The following SIK3 variants were observed in gnomAD, a reference collection of about 807,000 sequenced individuals.
SIK3 encodes the protein SIK family kinase 3.
A neutral mutation model predicts 144.2 loss-of-function variants in SIK3; 28 were observed. That is an observed-to-expected ratio of 0.19 (90% CI 0.14 to 0.27). The LOEUF (loss-of-function observed/expected upper bound fraction) is 0.27, where lower values mean the gene tolerates loss of function less well. SIK3 is among the 10% of genes least tolerant of loss of function. SIK3 has a pLI of 1.00. For missense variants in SIK3, 1,319 were observed against 1,776.0 expected, an observed-to-expected ratio of 0.74 and a Z score of 4.62; for synonymous variants, 686 against 676.3, an observed-to-expected ratio of 1.01 and a Z score of -0.22.
At position 116,947,931 on chromosome 11, in the gene SIK3, A is replaced by C. The variant is rs189432708; in HGVS notation, c.454+6113T>G. Among the ~76,000 whole-genome samples, 808 of 143,824 alleles carry C rather than the reference A, an allele frequency of 5.6e-3. 13 individuals are homozygous for C. The highest frequency in any genetic ancestry group is 0.042 in the Middle Eastern group (11 of 260). The allele number at this position is 143,824 out of a possible 152,430, so 94.4% of individuals were successfully genotyped here. ...TCTAGGAATTTGTCCATTTCATCTA[A>C]GCTGACTTTTTTTTTTTTTTTGAGA... On this transcript the variant is annotated intron_variant, in intron 3 of 24. Coordinates refer to ENST00000445177, the MANE Select transcript of SIK3 (RefSeq NM_001366686.3).
rs1187841991 is a variant in SIK3 at position 116,947,799 on chromosome 11, C to T, written c.454+6245G>A. ...CCAGGATGGTCTCATCTCCTGACCTCGTGATCTGCCCACCTCAGCCTCCCA... is the reference window on the plus strand; with the variant it reads ...CCAGGATGGTCTCATCTCCTGACCTTGTGATCTGCCCACCTCAGCCTCCCA... On this transcript the variant is annotated intron_variant, in intron 3 of 24. Transcript: ENST00000445177. Among the ~76,000 whole-genome samples the T allele has an allele frequency of 3.3e-5, 5 of 151,740 alleles. No individual in the cohort carries two copies. The East Asian group carries it at 5.8e-4, about 18-fold the overall frequency.
intron 4 of SIK3, among the ~76,000 whole-genome samples, chr11:116,906,323 A>AT (rs1278746907): frequency 6.6e-6 from 1 of 152,240 alleles, no homozygotes; most frequent in Non-Finnish European, 1.5e-5. Flanking sequence ...AGGAAAGCAG[A>AT]AGTTGGTTTG....
At chr11:116,863,629 C>T in intron 16 of SIK3, 39 bp downstream of exon 16, 1 of 1,612,872 alleles carries the variant, frequency 6.2e-7, no homozygotes, top group Non-Finnish European at 8.5e-7. Flanking sequence ...CCTCTGTCAC[C>T]CATGCTCCTC....
chr11:116,889,102 A>C (rs1189679862), intron 6 of SIK3, among the ~76,000 whole-genome samples: 3 of 152,206 alleles, frequency 2.0e-5, no homozygotes, highest in African/African-American at 7.2e-5. Context: ...TAGTAAAACA[A>C]ACACTAAATT....
chr11:117,024,097 T>C (rs892356287), intron 1 of SIK3, among the ~76,000 whole-genome samples: 1 of 152,130 alleles, frequency 6.6e-6, no homozygotes, highest in Non-Finnish European at 1.5e-5. Flanking sequence ...ACTAGCCCTG[T>C]AAAATCATCC....
At position 117,098,302 on chromosome 11, in the gene SIK3, G is replaced by A. The variant is rs1383637442; in HGVS notation, c.114C>T (p.Pro38=). 1.7e-6 allele frequency: 2 copies of A among 1,177,918 alleles called. No individual in the cohort carries two copies. Among genetic ancestry groups the A allele is most frequent in the South Asian group, 3.7e-5 (1 of 27,118 alleles). 73.0% of individuals were successfully genotyped at this position (1,177,918 alleles called of 1,614,324 possible). A position where few individuals can be genotyped will look rare whatever the true frequency, so the allele number is the denominator to read the frequency against. ...PPPAPGSPAA[P]AAVSPAAGQP... is the part of the protein sequence containing the mutation. ...GGCCGGCCGCAGGGGACACGGCAGC[G>A]GGGGCGGCTGGGGACCCCGGCGCGG... The change falls in exon 1 of 25, where the codon CCC becomes CCT. Residue 38 remains proline, a synonymous_variant. Coordinates refer to ENST00000445177, the MANE Select transcript of SIK3 (RefSeq NM_001366686.3).
intron 1 of SIK3, among the ~76,000 whole-genome samples, chr11:116,957,884 T>C (rs1317005294): frequency 1.3e-5 from 2 of 152,210 alleles, no homozygotes; most frequent in South Asian, 2.1e-4. Context: ...ATACATGCAC[T>C]GCATCATAAA....
intron 15 of SIK3, among the ~76,000 whole-genome samples, chr11:116,865,280 T>C (rs1336795842): frequency 1.3e-5 from 2 of 152,118 alleles, no homozygotes; most frequent in African/African-American, 4.8e-5. Context: ...AGCAATACAG[T>C]CTTTCTGCAC....
At chr11:116,884,790 T>C (rs907162644) in intron 6 of SIK3, among the ~76,000 whole-genome samples, 1 of 151,840 alleles carries the variant, frequency 6.6e-6, no homozygotes, top group Non-Finnish European at 1.5e-5. Context: ...ATGTAGTCAA[T>C]GCCACAGTTT....
rs565512461 is a variant in SIK3 at position 117,092,280 on chromosome 11, T to A, written c.273+5863A>T. ...CATGGCATCATGACCTTGTGTCTAA[T>A]CTTTGACCAAACCAAACTCACTTCT... On this transcript the variant is annotated intron_variant, in intron 1 of 24. Coordinates refer to ENST00000445177, the MANE Select transcript of SIK3 (RefSeq NM_001366686.3). Among the ~76,000 whole-genome samples the A allele has an allele frequency of 2.0e-5, 3 of 152,282 alleles. No individual in the cohort carries two copies. In the Middle Eastern group the frequency reaches 0.01, roughly 518 times the overall value.
intron 1 of SIK3, among the ~76,000 whole-genome samples, chr11:116,991,146 A>G (rs569580188): frequency 1.3e-5 from 2 of 152,284 alleles, no homozygotes; most frequent in Non-Finnish European, 2.9e-5. Flanking sequence ...CTTTTAACCA[A>G]TATAAAAGTA....
intron 15 of SIK3, chr11:116,864,324 G>A (rs895142995): frequency 2.6e-5 from 4 of 152,472 alleles, no homozygotes; most frequent in Admixed American, 2.0e-4. Flanking sequence ...ACAGAAAATA[G>A]AAGGTGGCGA....
intron 1 of SIK3, among the ~76,000 whole-genome samples, chr11:117,023,607 AACAAAAAAAAAAAAAT>A (rs1951871984): frequency 3.0e-5 from 1 of 33,650 alleles, no homozygotes; most frequent in African/African-American, 1.5e-4. Context: ...CAAACAAACA[AACAAAAAAAAAAAAAT>A]ATATATATAT....
At chr11:116,946,690 C>A (rs1431810662) in intron 3 of SIK3, among the ~76,000 whole-genome samples, 1 of 152,234 alleles carries the variant, frequency 6.6e-6, no homozygotes, top group African/African-American at 2.4e-5. Flanking sequence ...GGAGAACTCT[C>A]TCCCAACAAC....
At chr11:116,856,057 C>T (rs1329929290) in intron 21 of SIK3, among the ~76,000 whole-genome samples, 21 of 151,874 alleles carry the variant, frequency 1.4e-4, no homozygotes, top group African/African-American at 5.1e-4. Flanking sequence ...ATTAGCCGGG[C>T]GTGGTGGCGG....
chr11:117,079,362 G>A (rs1244025595), intron 1 of SIK3, among the ~76,000 whole-genome samples: 1 of 152,184 alleles, frequency 6.6e-6, no homozygotes, highest in East Asian at 1.9e-4. Flanking sequence ...GAGCAATTAT[G>A]CAATTAATTG....
intron 21 of SIK3, among the ~76,000 whole-genome samples, chr11:116,851,466 G>C (rs1410749140): frequency 6.6e-6 from 1 of 152,170 alleles, no homozygotes; most frequent in Non-Finnish European, 1.5e-5. Context: ...TAATGATTAA[G>C]GTTAGGCTGG....
intron 1 of SIK3, among the ~76,000 whole-genome samples, chr11:116,979,578 G>C (rs138036663): frequency 6.6e-6 from 1 of 152,156 alleles, no homozygotes; most frequent in Non-Finnish European, 1.5e-5. Context: ...TGGGTGCAGT[G>C]GCTCATGCCT....
Position 116,844,760 on chromosome 11 carries a change from G to C in SIK3, c.*883C>G, listed in dbSNP as rs1941826367. On this transcript the variant is annotated 3_prime_UTR_variant, in exon 25 of 25. Transcript: ENST00000445177. The stretch of plus-strand genomic sequence containing the variant: ...AGCACAATATAAAATGAGAATGAAA[G>C]ATGCCATAGAAAGCATAGTGCACTG... 1 of 148,806 alleles carries C rather than the reference G, an allele frequency of 6.7e-6. No individual in the cohort carries two copies. The highest frequency in any genetic ancestry group is 6.8e-5 in the Admixed American group (1 of 14,614). The allele number at this position is 148,806 out of a possible 1,614,324, so 9.2% of individuals were successfully genotyped here.
Sources: allele counts gnomAD v4.1 joint callset (sites outside exome capture counted in the v4.1 genomes callset), GRCh38; gene constraint gnomAD v4.1.1; transcripts MANE v1.5; gene names NCBI Gene and HGNC (gene_info 2026-07-23, HGNC 2026-07-21).